Variants in PTPRT observed in about 807,000 individuals in gnomAD.
PTPRT encodes receptor-type tyrosine-protein phosphatase T.
A neutral mutation model predicts 176.8 loss-of-function variants in PTPRT; 56 were observed. The observed-to-expected ratio is 0.32, with a 90% CI of 0.26 to 0.40. The LOEUF (loss-of-function observed/expected upper bound fraction) is 0.40. PTPRT is among the 10% of genes least tolerant of loss of function. The pLI is 1.00. For synonymous variants in PTPRT, 783 were observed against 739.0 expected (o/e 1.06, Z -0.96); for missense variants, 1,540 against 1,908.2 (o/e 0.81, Z 3.60).
chr20:43,107,249 T>C (rs1175818578), intron 1 of PTPRT, among the ~76,000 whole-genome samples: 2 of 152,214 alleles, frequency 1.3e-5, no homozygotes, highest in South Asian at 2.1e-4. Flanking sequence ...CGGATTGATA[T>C]GCAGCTGGGG....
Position 42,289,082 on chromosome 20 carries a change from G to C in PTPRT, c.2140-6557C>G, listed in dbSNP as rs141352079. ...GAAAACCAGGTAACCATATGCAGAAGAATGAAACTGGATCACTACCTCTCA... is the reference window on the plus strand; with the variant it reads ...GAAAACCAGGTAACCATATGCAGAACAATGAAACTGGATCACTACCTCTCA... On this transcript the variant is annotated intron_variant, in intron 12 of 30. Transcript: ENST00000373187. 2.9e-3 allele frequency among the ~76,000 whole-genome samples: 434 copies of C among 152,046 alleles called. 1 individual carries two copies. Among genetic ancestry groups the C allele is most frequent in the African/African-American group, 0.01 (420 of 41,502 alleles).
chr20:43,167,020 A>T (rs1220382163), intron 1 of PTPRT, among the ~76,000 whole-genome samples: 3 of 152,168 alleles, frequency 2.0e-5, no homozygotes, highest in East Asian at 3.9e-4. Flanking sequence ...TGTGCCTGGC[A>T]TCTTGACATT....
chr20:42,428,940 C>G (rs1008640923), intron 9 of PTPRT, among the ~76,000 whole-genome samples: 1 of 152,154 alleles, frequency 6.6e-6, no homozygotes, highest in African/African-American at 2.4e-5. Context: ...CCCCACCCTA[C>G]ATCTGCAAGC....
At chr20:42,875,085 T>C (rs945153281) in intron 2 of PTPRT, among the ~76,000 whole-genome samples, 3 of 152,166 alleles carry the variant, frequency 2.0e-5, no homozygotes, top group Admixed American at 6.5e-5. Flanking sequence ...TCACTTCCCA[T>C]TACACCATTT....
chr20:42,153,026 C>T (rs988388943), intron 17 of PTPRT, among the ~76,000 whole-genome samples: 1 of 152,158 alleles, frequency 6.6e-6, no homozygotes, highest in South Asian at 2.1e-4. Flanking sequence ...TTCTCCTCTA[C>T]CCATCTTCTT....
chr20:42,997,579 C>T (rs78576727), intron 1 of PTPRT, among the ~76,000 whole-genome samples: 4 of 152,042 alleles, frequency 2.6e-5, no homozygotes, highest in African/African-American at 7.2e-5. Context: ...TAAGCCCTGC[C>T]GAAAATGAAT....
At chr20:42,948,875 C>T (rs559605855) in intron 1 of PTPRT, among the ~76,000 whole-genome samples, 27 of 152,328 alleles carry the variant, frequency 1.8e-4, no homozygotes, top group African/African-American at 6.0e-4. Flanking sequence ...ATCAGACCCA[C>T]GTATCCAATT....
intron 17 of PTPRT, among the ~76,000 whole-genome samples, chr20:42,143,203 T>A (rs1988707105): frequency 6.6e-6 from 1 of 152,104 alleles, no homozygotes; most frequent in Non-Finnish European, 1.5e-5. Context: ...ACAATCTGGC[T>A]CATGTATGGA....
intron 9 of PTPRT, among the ~76,000 whole-genome samples, chr20:42,418,584 A>G (rs1032569629): frequency 1.3e-5 from 2 of 152,232 alleles, no homozygotes; most frequent in African/African-American, 4.8e-5. Flanking sequence ...GTGAAAGACA[A>G]TAGGAAGATG....
At chr20:42,039,803 A>C in the PTPRT span, among the ~76,000 whole-genome samples, 1 of 151,474 alleles carries the variant, frequency 6.6e-6, no homozygotes, top group African/African-American at 2.4e-5. Flanking sequence ...TATTCCAACA[A>C]TATTCCATTG....
chr20:42,573,078 T>A (rs996515122), intron 7 of PTPRT, among the ~76,000 whole-genome samples: 2 of 152,152 alleles, frequency 1.3e-5, no homozygotes, highest in Admixed American at 6.5e-5. Context: ...TCAACAAATA[T>A]TTGTCAAATT....
chr20:42,560,289 G>A (rs973484024), intron 7 of PTPRT, among the ~76,000 whole-genome samples: 1 of 152,182 alleles, frequency 6.6e-6, no homozygotes, highest in Admixed American at 6.5e-5. Context: ...GGAGGATGGC[G>A]AGGTTGGGCA....
intron 8 of PTPRT, among the ~76,000 whole-genome samples, chr20:42,452,035 C>T (rs1159666724): frequency 6.6e-6 from 1 of 152,222 alleles, no homozygotes; most frequent in Admixed American, 6.5e-5. Context: ...CTTTGAGAGG[C>T]CAAGGCGGGC....
chr20:42,041,929 C>G, the PTPRT span, among the ~76,000 whole-genome samples: 134 of 152,250 alleles, frequency 8.8e-4, no homozygotes, highest in Non-Finnish European at 1.3e-3. Flanking sequence ...TAGCTTCAAT[C>G]CCTATTAAAT....
At chr20:43,106,245 T>G (rs1056518193) in intron 1 of PTPRT, among the ~76,000 whole-genome samples, 8 of 152,196 alleles carry the variant, frequency 5.3e-5, no homozygotes, top group Non-Finnish European at 7.3e-5. Flanking sequence ...AATCAATGTT[T>G]AGACTGAGTT....
intron 7 of PTPRT, among the ~76,000 whole-genome samples, chr20:42,531,478 C>A (rs76073946): frequency 6.6e-6 from 1 of 152,130 alleles, no homozygotes; most frequent in African/African-American, 2.4e-5. Context: ...GCTGGTTAGG[C>A]GAGGCCTTAA....
intron 7 of PTPRT, among the ~76,000 whole-genome samples, chr20:42,595,104 G>A (rs1198075689): frequency 6.6e-6 from 1 of 152,122 alleles, no homozygotes; most frequent in Admixed American, 6.5e-5. Context: ...CCTCAGCATC[G>A]CAGAGGCCAA....
chr20:42,617,062 A>G (rs2074094779), intron 7 of PTPRT, among the ~76,000 whole-genome samples: 1 of 136,798 alleles, frequency 7.3e-6, no homozygotes. Flanking sequence ...TCAGTATGAT[A>G]TTGGCTGTGG....
At chr20:42,468,272 C>T (rs1015873541) in intron 8 of PTPRT, among the ~76,000 whole-genome samples, 4 of 152,182 alleles carry the variant, frequency 2.6e-5, no homozygotes, top group South Asian at 2.1e-4. Flanking sequence ...TGCTGGCTCC[C>T]GGAGGGGGGT....
Sources: gnomAD v4.1 joint callset for allele counts (sites outside exome capture counted in the v4.1 genomes callset) on GRCh38, gnomAD v4.1.1 for gene constraint, MANE v1.5 for transcripts, NCBI Gene and HGNC (gene_info 2026-07-23, HGNC 2026-07-21) for gene names.